NUP93: variants seen among roughly 807,000 people sequenced by gnomAD.
NUP93 encodes nuclear pore complex protein Nup93.
In NUP93, 55 loss-of-function variants were observed where a neutral mutation model predicts 107.8. The observed-to-expected ratio is 0.51, with a 90% CI of 0.41 to 0.64. The LOEUF (loss-of-function observed/expected upper bound fraction) is 0.64. NUP93 is among the 30% of genes least tolerant of loss of function. NUP93 has a pLI of 0.00. For synonymous variants in NUP93, 390 were observed against 397.5 expected (o/e 0.98, Z 0.22); for missense variants, 937 against 1,044.7 (o/e 0.90, Z 1.42).
chr16:56,802,272 G>A (rs1488271654), intron 4 of NUP93, among the ~76,000 whole-genome samples: 1 of 151,996 alleles, frequency 6.6e-6, no homozygotes, highest in African/African-American at 2.4e-5. Flanking sequence ...CATTCTTTCT[G>A]GACAACTTCT....
chr16:56,818,577 G>A, intron 5 of NUP93, 87 bp from the exon 6 acceptor site: 1 of 1,077,244 alleles, frequency 9.3e-7, no homozygotes. Context: ...CTCTGTTAAA[G>A]ACAAGAATAT....
intron 4 of NUP93, among the ~76,000 whole-genome samples, 196 bp from the exon 5 acceptor site, chr16:56,805,308 A>G (rs1963111828): frequency 6.6e-6 from 1 of 152,200 alleles, no homozygotes. Flanking sequence ...TTGGCTCCCC[A>G]AAATGCTGGG....
At chr16:56,798,656 C>A in intron 4 of NUP93, 118 bp downstream of exon 4, 1 of 818,608 alleles carries the variant, frequency 1.2e-6, no homozygotes, top group Non-Finnish European at 2.0e-6. Context: ...TCGCTTGAGC[C>A]CAGGAATTCA....
At chr16:56,797,412 A>G (rs1443950663) in intron 3 of NUP93, among the ~76,000 whole-genome samples, 2 of 152,104 alleles carry the variant, frequency 1.3e-5, no homozygotes, top group Non-Finnish European at 2.9e-5. Context: ...CCTTGTTCCT[A>G]CTCAGCCCCC....
rs545578884 is a variant in NUP93 at position 56,794,329 on chromosome 16, T to A, written c.298-4147T>A. Among the ~76,000 whole-genome samples, 3 of 152,172 alleles carry A rather than the reference T, an allele frequency of 2.0e-5. No individual in the cohort carries two copies. The East Asian group carries it at 5.8e-4, about 29-fold the overall frequency. On this transcript the variant is annotated intron_variant, in intron 3 of 21. Transcript: ENST00000308159. ...GTATGTAATGGTTAATGGTCTTTGT[T>A]TATATGTGGGTGAGGTTTGACACAC...
rs142581530 is a variant in NUP93 at position 56,831,956 on chromosome 16, C to G, written c.1200C>G (p.Thr400=). 126 of 1,613,954 alleles carry G rather than the reference C, an allele frequency of 7.8e-5. No homozygotes were observed. The highest frequency in any genetic ancestry group is 1.1e-4 in the Non-Finnish European group (126 of 1,180,018). ...VYCIIGRCDV[T]DNQSEVADKT... Reference sequence around the variant, plus strand: ...GTATCATTGGCAGATGTGACGTCACCGACAACCAGAGTGAAGTGGCGGACA... The same window carrying G: ...GTATCATTGGCAGATGTGACGTCACGGACAACCAGAGTGAAGTGGCGGACA... The change falls in exon 11 of 22, where the codon ACC becomes ACG. Residue 400 remains threonine (T), a synonymous_variant. Coordinates refer to ENST00000308159, the MANE Select transcript of NUP93 (RefSeq NM_014669.5).
chr16:56,804,305 C>T (rs1309582316), intron 4 of NUP93, among the ~76,000 whole-genome samples: 8 of 152,110 alleles, frequency 5.3e-5, no homozygotes, highest in African/African-American at 1.9e-4. Flanking sequence ...TGGAAGCAAC[C>T]CAGGTGTCCA....
chr16:56,844,661 C>T lies in NUP93; in HGVS notation c.*52C>T. The T allele has an allele frequency of 8.9e-7, 1 of 1,124,962 alleles. No homozygotes were observed. 69.7% of individuals were successfully genotyped at this position (1,124,962 alleles called of 1,614,324 possible). ...CGGCACACTGTCAGTACATCAGGCA[C>T]ATGGGCCCACTAGGCTGGGGTTTCT... On this transcript the variant is annotated 3_prime_UTR_variant, in exon 22 of 22. Transcript: ENST00000308159.
chr16:56,738,268 G>T (rs1961644464), intron 1 of NUP93, among the ~76,000 whole-genome samples: 1 of 152,230 alleles, frequency 6.6e-6, no homozygotes, highest in South Asian at 2.1e-4. Context: ...TTTCTTCCCA[G>T]CTGGGCCTTC....
intron 2 of NUP93, among the ~76,000 whole-genome samples, chr16:56,750,573 A>G (rs1294662940): frequency 6.6e-6 from 1 of 152,176 alleles, no homozygotes; most frequent in East Asian, 1.9e-4. Flanking sequence ...ACAATTGTTA[A>G]ATTTTTTCAC....
At chr16:56,827,069 A>AGAAAAAAAAAAAAAAAAAT (rs1430722800) in intron 8 of NUP93, among the ~76,000 whole-genome samples, 1 of 125,664 alleles carries the variant, frequency 8.0e-6, no homozygotes, top group Non-Finnish European at 1.7e-5. Context: ...AAAAAAAAAA[A>AGAAAAAAAAAAAAAAAAAT]TTTTGTTGAG....
intron 3 of NUP93, among the ~76,000 whole-genome samples, chr16:56,792,334 G>A (rs771533291): frequency 2.6e-5 from 4 of 151,952 alleles, no homozygotes; most frequent in African/African-American, 9.7e-5. Flanking sequence ...TGTATGGGGG[G>A]GAGGAATAAA....
chr16:56,823,910 T>G, intron 8 of NUP93, 64 bp downstream of exon 8: 1 of 1,576,354 alleles, frequency 6.3e-7, no homozygotes. Flanking sequence ...GTTTCTCAGA[T>G]CTTAAGTTGT....
chr16:56,842,060 TAC>T (rs1230267562), intron 21 of NUP93, among the ~76,000 whole-genome samples: 3 of 152,254 alleles, frequency 2.0e-5, no homozygotes, highest in African/African-American at 7.2e-5. Context: ...CTGCAAATCT[TAC>T]CTTTTAACAA....
chr16:56,745,967 G>A (rs1203733392), intron 1 of NUP93, among the ~76,000 whole-genome samples: 1 of 152,056 alleles, frequency 6.6e-6, no homozygotes, highest in East Asian at 1.9e-4. Context: ...TCTGACGTAG[G>A]AATGAAATAT....
At chr16:56,730,678 C>T (rs766726998) in intron 1 of NUP93, among the ~76,000 whole-genome samples, 11 of 152,192 alleles carry the variant, frequency 7.2e-5, no homozygotes, top group Non-Finnish European at 1.2e-4. Context: ...GCGAGGGGAA[C>T]TTATCCCAAC....
At chr16:56,816,269 G>A (rs1181907567) in intron 5 of NUP93, among the ~76,000 whole-genome samples, 2 of 152,208 alleles carry the variant, frequency 1.3e-5, no homozygotes, top group Admixed American at 6.5e-5. Flanking sequence ...TGTTATTATT[G>A]TAACCCAGTG....
intron 1 of NUP93, among the ~76,000 whole-genome samples, chr16:56,742,691 C>T (rs1961758623): frequency 6.6e-6 from 1 of 152,228 alleles, no homozygotes. Flanking sequence ...GGATGGATGG[C>T]TCTGAGGCTC....
At chr16:56,804,990 TGTCA>T (rs768327769) in intron 4 of NUP93, among the ~76,000 whole-genome samples, 1 of 152,096 alleles carries the variant, frequency 6.6e-6, no homozygotes, top group Non-Finnish European at 1.5e-5. Context: ...TGCAAACAGT[TGTCA>T]GTAAGTTTAT....
Sources: allele counts gnomAD v4.1 joint callset (sites outside exome capture counted in the v4.1 genomes callset), GRCh38; gene constraint gnomAD v4.1.1; transcripts MANE v1.5; gene names NCBI Gene and HGNC (gene_info 2026-07-23, HGNC 2026-07-21).